HTD2: variants seen among roughly 807,000 people sequenced by gnomAD.
HTD2 encodes hydroxyacyl-thioester dehydratase type 2, mitochondrial.
Under a neutral mutation model 3.1 loss-of-function variants are expected in HTD2, and 1 was observed. That is an observed-to-expected ratio of 0.32 (90% CI 0.11 to 1.52). The LOEUF (loss-of-function observed/expected upper bound fraction) is 1.52, where lower values mean the gene tolerates loss of function less well. Ranked by LOEUF, HTD2 falls within the 40% of genes most tolerant of loss-of-function variation. The pLI is 0.39. For synonymous variants in HTD2, 50 were observed against 28.9 expected, an observed-to-expected ratio of 1.73 and a Z score of -2.34; for missense variants, 150 against 79.6, an observed-to-expected ratio of 1.88 and a Z score of -3.36.
In HTD2 at chr3:58,318,921, C is replaced by G. The variant is rs1323740193; in HGVS notation, c.*801C>G. 6.6e-6 allele frequency: 1 copy of G among 151,712 alleles called. No individual in the cohort carries two copies. The highest frequency in any genetic ancestry group is 1.5e-5 in the Non-Finnish European group (1 of 67,978). 9.4% of individuals were successfully genotyped at this position (151,712 alleles called of 1,614,324 possible). A position where few individuals can be genotyped will look rare whatever the true frequency, so the allele number is the denominator to read the frequency against. ...GGCTGAGGCAGGAGAATCTCTTGAA[C>G]CTGGGAGGTTGCAGTGAGCTGAAAT... On this transcript the variant is annotated 3_prime_UTR_variant, in exon 5 of 5. Coordinates refer to ENST00000461393, the MANE Select transcript of HTD2 (RefSeq NM_001348712.2).
intron 1 of HTD2, chr3:58,307,994 T>C (rs1414800300): frequency 2.0e-5 from 3 of 152,144 alleles, no homozygotes; most frequent in African/African-American, 4.8e-5. Context: ...GTCTTCGTTT[T>C]ACTGGCATCT....
rs1239630166 is a variant in HTD2, at chr3:58,318,035, C to T, written c.422C>T (p.Ala141Val). The change falls in exon 5 of 5, where the codon GCA (alanine) becomes GTA (valine). Residue 141 changes from alanine to valine, a missense_variant. Transcript: ENST00000461393. Reference sequence around the variant, plus strand: ...CTGAAGCGGTTCATTGCTATTATTGCAGTGTCATGTTCTGTAATAGAAAGT... The same window carrying T: ...CTGAAGCGGTTCATTGCTATTATTGTAGTGTCATGTTCTGTAATAGAAAGT... ...KKLKRFIAII[A>V]VSCSVIESKK... 1.3e-5 allele frequency: 9 copies of T among 702,466 alleles called. No homozygotes were observed. The East Asian group carries it at 2.1e-4, about 17-fold the overall frequency. 43.5% of individuals were successfully genotyped at this position (702,466 alleles called of 1,614,324 possible).
intron 2 of HTD2, among the ~76,000 whole-genome samples, chr3:58,313,689 G>C (rs911125129): frequency 1.2e-4 from 19 of 152,166 alleles, no homozygotes; most frequent in African/African-American, 4.6e-4. Context: ...GCTGGGTGTG[G>C]TGGTGTGCAC....
At chr3:58,306,883 G>A (rs1425663321) in intron 1 of HTD2, among the ~76,000 whole-genome samples, 1 of 152,136 alleles carries the variant, frequency 6.6e-6, no homozygotes, top group Non-Finnish European at 1.5e-5. Context: ...AAAGATAAAC[G>A]AGTTACATAA....
intron 1 of HTD2, among the ~76,000 whole-genome samples, chr3:58,308,893 T>C (rs902950208): frequency 1.2e-4 from 18 of 152,160 alleles, no homozygotes; most frequent in Non-Finnish European, 2.5e-4. Context: ...GAAGGATGAA[T>C]AGGACCTATC....
chr3:58,310,358 G>C, intron 1 of HTD2, 149 bp from the exon 2 acceptor site: 4 of 1,614,164 alleles, frequency 2.5e-6, no homozygotes, highest in Non-Finnish European at 3.4e-6. Context: ...ACATATGAAA[G>C]AGTAGTTTAC....
chr3:58,319,652 GAAAT>G lies in HTD2; in HGVS notation c.*1538_*1541del, dbSNP rs2097492370. ...TATAGTAAAAAAAAAAAAATTGTAA[GAAAT>G]AAATATTAAGAAGATTATGGAGGCC... On this transcript the variant is annotated 3_prime_UTR_variant, in exon 5 of 5. Coordinates refer to ENST00000461393, the MANE Select transcript of HTD2 (RefSeq NM_001348712.2). 1.3e-5 allele frequency: 2 copies of G among 151,304 alleles called. No individual in the cohort carries two copies. The highest frequency in any genetic ancestry group is 2.1e-4 in the South Asian group (1 of 4,784). The allele number at this position is 151,304 out of a possible 1,614,324, so 9.4% of individuals were successfully genotyped here. A position where few individuals can be genotyped will look rare whatever the true frequency, so the allele number is the denominator to read the frequency against.
chr3:58,316,933 G>A lies in HTD2; in HGVS notation c.-235G>A, dbSNP rs1408697599. ...TCTGCAGTGGTCTTGTCAAATTGTG[G>A]AGCTCTTTGACCCTGTTAGGATCCT... On this transcript the variant is annotated 5_prime_UTR_variant, in exon 4 of 5. Coordinates refer to ENST00000461393, the MANE Select transcript of HTD2 (RefSeq NM_001348712.2). 1 of 1,613,580 alleles carries A rather than the reference G, an allele frequency of 6.2e-7. No individual in the cohort carries two copies.
At chr3:58,316,438 C>A in intron 2 of HTD2, 77 bp from the exon 3 acceptor site, 6 of 1,337,072 alleles carry the variant, frequency 4.5e-6, no homozygotes, top group Non-Finnish European at 6.4e-6. Context: ...GCTCAAAACT[C>A]ATTTGTTGTC....
Position 58,318,126 on chromosome 3 carries a change from A to G in HTD2, c.*6A>G, listed in dbSNP as rs916210139. On this transcript the variant is annotated 3_prime_UTR_variant, in exon 5 of 5. Coordinates refer to ENST00000461393, the MANE Select transcript of HTD2 (RefSeq NM_001348712.2). ...CAGAAGCTTCCAAATCCTGAAATAGATGTTTTAAAGATGCAACCTCAAACA... is the reference window on the plus strand; with the variant it reads ...CAGAAGCTTCCAAATCCTGAAATAGGTGTTTTAAAGATGCAACCTCAAACA... The G allele has an allele frequency of 3.2e-6, 2 of 632,636 alleles. No homozygotes were observed. Among genetic ancestry groups the G allele is most frequent in the East Asian group, 2.7e-5 (1 of 36,854 alleles). 39.2% of individuals were successfully genotyped at this position (632,636 alleles called of 1,614,324 possible). A position where few individuals can be genotyped will look rare whatever the true frequency, so the allele number is the denominator to read the frequency against.
intron 1 of HTD2, chr3:58,310,160 T>C (rs899534143): frequency 1.5e-5 from 9 of 611,590 alleles, no homozygotes; most frequent in African/African-American, 1.9e-5. Context: ...TGAACTCTGA[T>C]TGTACCACTG....
At chr3:58,307,972 A>G (rs2097477478) in intron 1 of HTD2, 1 of 151,828 alleles carries the variant, frequency 6.6e-6, no homozygotes, top group African/African-American at 2.4e-5. Flanking sequence ...CCATCTCGTG[A>G]ATGTTGTGTA....
rs2097488906 is a variant in HTD2, at chr3:58,316,951, A to T, written c.-217A>T. 1 of 1,613,888 alleles carries T rather than the reference A, an allele frequency of 6.2e-7. No individual in the cohort carries two copies. The highest frequency in any genetic ancestry group is 8.5e-7 in the Non-Finnish European group (1 of 1,179,902). On this transcript the variant is annotated 5_prime_UTR_variant, in exon 4 of 5. Transcript: ENST00000461393. ...AATTGTGGAGCTCTTTGACCCTGTT[A>T]GGATCCTATAAAGGCAAAAAATGTG... is the stretch of plus-strand genomic sequence containing the variant.
intron 1 of HTD2, chr3:58,310,002 C>G (rs1387360473): frequency 4.1e-6 from 1 of 243,620 alleles, no homozygotes; most frequent in Non-Finnish European, 8.0e-6. Context: ...GAGTTTGAAA[C>G]CAGCCTGGGC....
At chr3:58,307,599 G>A (rs1291945329) in intron 1 of HTD2, among the ~76,000 whole-genome samples, 2 of 152,112 alleles carry the variant, frequency 1.3e-5, no homozygotes, top group East Asian at 1.9e-4. Context: ...GATGACGTAC[G>A]CCTGTAATCC....
At chr3:58,315,201 C>T (rs1168301670) in intron 2 of HTD2, among the ~76,000 whole-genome samples, 2 of 152,078 alleles carry the variant, frequency 1.3e-5, no homozygotes, top group Non-Finnish European at 2.9e-5. Context: ...ATGGAATATA[C>T]TCGACAGTGA....
chr3:58,316,849 C>T, intron 3 of HTD2, 66 bp from the exon 4 acceptor site: 4 of 1,324,974 alleles, frequency 3.0e-6, no homozygotes, highest in Non-Finnish European at 4.3e-6. Context: ...ATTTTAGAAA[C>T]CTTAGTTGAA....
intron 2 of HTD2, among the ~76,000 whole-genome samples, chr3:58,315,081 A>C (rs1220885637): frequency 6.6e-6 from 1 of 152,178 alleles, no homozygotes; most frequent in African/African-American, 2.4e-5. Flanking sequence ...TTAAGTTCAC[A>C]CAAAAGCCTG....
chr3:58,316,379 TA>T, intron 2 of HTD2, 135 bp from the exon 3 acceptor site: 1 of 737,782 alleles, frequency 1.4e-6, no homozygotes, highest in Non-Finnish European at 2.3e-6. Flanking sequence ...AGTAGGCAAC[TA>T]AAGTGCCAGC....
Sources: gnomAD v4.1 joint callset for allele counts (sites outside exome capture counted in the v4.1 genomes callset) on GRCh38, gnomAD v4.1.1 for gene constraint, MANE v1.5 for transcripts, NCBI Gene and HGNC (gene_info 2026-07-23, HGNC 2026-07-21) for gene names.